SYN3: variants seen among roughly 807,000 people sequenced by gnomAD.
SYN3 encodes the protein synapsin III, also known as synapsin-3.
Under a neutral mutation model 65.8 loss-of-function variants are expected in SYN3, and 35 were observed. The observed-to-expected ratio is 0.53, with a 90% CI of 0.41 to 0.70. The LOEUF is 0.70. SYN3 is among the 30% of genes least tolerant of loss of function. SYN3 has a pLI of 0.00. For missense variants in SYN3, 680 were observed against 749.0 expected, an observed-to-expected ratio of 0.91 and a Z score of 1.08; for synonymous variants, 270 against 292.9, an observed-to-expected ratio of 0.92 and a Z score of 0.80.
chr22:32,512,872 AT>A lies in SYN3; in HGVS notation c.*819del, dbSNP rs1204089061. ...AGAGATCAAACAGTGGTGGAACAGA[AT>A]GGGTACAGGAGCCCTAACCTGACCC... On this transcript the variant is annotated 3_prime_UTR_variant, in exon 14 of 14. Coordinates refer to ENST00000358763, the MANE Select transcript of SYN3 (RefSeq NM_003490.4). 1 of 152,234 alleles carries A rather than the reference AT, an allele frequency of 6.6e-6. No homozygotes were observed. Among genetic ancestry groups the A allele is most frequent in the East Asian group, 1.9e-4 (1 of 5,194 alleles). 9.4% of individuals were successfully genotyped at this position (152,234 alleles called of 1,614,324 possible).
At chr22:32,720,070 G>A (rs2061095102) in intron 6 of SYN3, among the ~76,000 whole-genome samples, 1 of 152,130 alleles carries the variant, frequency 6.6e-6, no homozygotes, top group African/African-American at 2.4e-5. Flanking sequence ...CACACACTCT[G>A]GAATCTAGTC....
intron 6 of SYN3, among the ~76,000 whole-genome samples, chr22:32,671,330 ACACACCCATC>A (rs2060359202): frequency 6.6e-6 from 1 of 151,792 alleles, no homozygotes; most frequent in African/African-American, 2.4e-5. Flanking sequence ...TGTCACATAC[ACACACCCATC>A]CACACCCACA....
At chr22:32,724,234 G>A (rs5749499) in intron 6 of SYN3, among the ~76,000 whole-genome samples, 49,428 of 145,476 alleles carry the variant, frequency 0.34, 8,631 homozygotes, top group Middle Eastern at 0.42. Context: ...TCCAATATAG[G>A]GTACTTTTCT....
intron 3 of SYN3, among the ~76,000 whole-genome samples, chr22:32,977,416 C>G (rs2052233646): frequency 6.6e-6 from 1 of 152,126 alleles, no homozygotes; most frequent in Non-Finnish European, 1.5e-5. Flanking sequence ...AACCAAGTAT[C>G]TACCAGATGG....
intron 6 of SYN3, among the ~76,000 whole-genome samples, chr22:32,644,266 G>T (rs1477038818): frequency 5.9e-5 from 9 of 152,038 alleles, no homozygotes; most frequent in Admixed American, 1.3e-4. Flanking sequence ...CCTTTGGGGA[G>T]CCTGAAGTTT....
chr22:32,933,727 C>T (rs986676919), intron 3 of SYN3, among the ~76,000 whole-genome samples: 1 of 152,154 alleles, frequency 6.6e-6, no homozygotes, highest in African/African-American at 2.4e-5. Context: ...TGTGAGCCAC[C>T]ACGCTCAGCT....
At chr22:32,697,918 C>T (rs2060759363) in intron 6 of SYN3, among the ~76,000 whole-genome samples, 1 of 152,132 alleles carries the variant, frequency 6.6e-6, no homozygotes, top group African/African-American at 2.4e-5. Context: ...CCTGAGCTAG[C>T]CTGCTGGAGC....
At chr22:32,664,435 G>A (rs2060260064) in intron 6 of SYN3, among the ~76,000 whole-genome samples, 1 of 151,890 alleles carries the variant, frequency 6.6e-6, no homozygotes, top group Non-Finnish European at 1.5e-5. Flanking sequence ...CCTAACAGCA[G>A]CATTTATTTA....
intron 6 of SYN3, among the ~76,000 whole-genome samples, chr22:32,658,700 C>T (rs1029696477): frequency 2.4e-4 from 36 of 151,990 alleles, no homozygotes; most frequent in African/African-American, 7.0e-4. Context: ...AACATGGGGT[C>T]GGGATGTGTA....
At chr22:32,563,605 A>T (rs1241518563) in intron 7 of SYN3, among the ~76,000 whole-genome samples, 2 of 152,086 alleles carry the variant, frequency 1.3e-5, no homozygotes, top group East Asian at 3.9e-4. Context: ...TGCCGAGAGG[A>T]CCCTGGAAAA....
At chr22:32,904,901 C>CCCT (rs1440665930) in intron 4 of SYN3, among the ~76,000 whole-genome samples, 1 of 152,170 alleles carries the variant, frequency 6.6e-6, no homozygotes, top group Non-Finnish European at 1.5e-5. Context: ...GAATTAACTT[C>CCCT]CCTCCTGTCC....
chr22:32,764,253 T>C (rs1336253862), intron 6 of SYN3, among the ~76,000 whole-genome samples: 1 of 152,102 alleles, frequency 6.6e-6, no homozygotes, highest in Non-Finnish European at 1.5e-5. Context: ...AAGACCCCAT[T>C]TTTAATCAGC....
intron 6 of SYN3, among the ~76,000 whole-genome samples, chr22:32,819,402 A>G (rs1007083154): frequency 2.0e-5 from 3 of 152,264 alleles, no homozygotes; most frequent in African/African-American, 7.2e-5. Flanking sequence ...CCAAACATGT[A>G]GAAGGGTGTA....
rs371653618 is a variant in SYN3 at position 32,798,266 on chromosome 22, A to G, written c.711+66649T>C. Among the ~76,000 whole-genome samples, 52 of 152,246 alleles carry G rather than the reference A, an allele frequency of 3.4e-4. No individual in the cohort carries two copies. In the East Asian group the frequency reaches 3.9e-3, roughly 11 times the overall value. On this transcript the variant is annotated intron_variant, in intron 6 of 13. Coordinates refer to ENST00000358763, the MANE Select transcript of SYN3 (RefSeq NM_003490.4). Reference sequence around the variant, plus strand: ...TGGGCACTGTACAAAGACTCAAACGAATCTGTCTACAGATCTGAAAAGCAG... The same window carrying G: ...TGGGCACTGTACAAAGACTCAAACGGATCTGTCTACAGATCTGAAAAGCAG...
intron 4 of SYN3, among the ~76,000 whole-genome samples, chr22:32,874,816 G>A (rs112720031): frequency 6.7e-4 from 102 of 152,254 alleles, no homozygotes; most frequent in African/African-American, 2.2e-3. Context: ...GAGACTTCAC[G>A]TTTTCTCTTA....
chr22:32,594,599 T>A (rs932977017), intron 7 of SYN3, among the ~76,000 whole-genome samples: 3 of 152,148 alleles, frequency 2.0e-5, no homozygotes, highest in Non-Finnish European at 4.4e-5. Flanking sequence ...GCGATTCTCC[T>A]GCCGCAGCTT....
chr22:32,683,839 A>G (rs2060555388), intron 6 of SYN3, among the ~76,000 whole-genome samples: 2 of 152,144 alleles, frequency 1.3e-5, no homozygotes, highest in African/African-American at 4.8e-5. Flanking sequence ...CCATAACAAT[A>G]CCCTTCTCTA....
chr22:32,645,771 T>G (rs1224288597), intron 6 of SYN3, among the ~76,000 whole-genome samples: 1 of 151,928 alleles, frequency 6.6e-6, no homozygotes, highest in African/African-American at 2.4e-5. Context: ...ACTCTTGGCA[T>G]AGGAGACAAC....
intron 2 of SYN3, among the ~76,000 whole-genome samples, chr22:32,994,106 G>A (rs2052807038): frequency 6.6e-6 from 1 of 152,096 alleles, no homozygotes; most frequent in Non-Finnish European, 1.5e-5. Flanking sequence ...ACCTCACGGA[G>A]AGGGGTCAGC....
Sources: allele counts gnomAD v4.1 joint callset (sites outside exome capture counted in the v4.1 genomes callset), GRCh38; gene constraint gnomAD v4.1.1; transcripts MANE v1.5; gene names NCBI Gene and HGNC (gene_info 2026-07-23, HGNC 2026-07-21).